PIP5K1B: variants seen among roughly 807,000 people sequenced by gnomAD.
PIP5K1B encodes the protein phosphatidylinositol-4-phosphate 5-kinase type 1 beta.
In PIP5K1B, 42 loss-of-function variants were observed where a neutral mutation model predicts 67.0. That is an observed-to-expected ratio of 0.63 (90% CI 0.49 to 0.81). The LOEUF is 0.81. PIP5K1B is among the 30% of genes least tolerant of loss of function. PIP5K1B has a pLI of 0.00. For missense variants in PIP5K1B, 459 were observed against 646.3 expected, an observed-to-expected ratio of 0.71 and a Z score of 3.14; for synonymous variants, 214 against 231.4, an observed-to-expected ratio of 0.92 and a Z score of 0.68.
intron 14 of PIP5K1B, among the ~76,000 whole-genome samples, chr9:68,958,633 T>C (rs1283941985): frequency 6.6e-6 from 1 of 152,210 alleles, no homozygotes; most frequent in Non-Finnish European, 1.5e-5. Flanking sequence ...TTTCTCCTAT[T>C]CAATCGCATA....
At chr9:68,767,007 C>T (rs1830460659) in intron 2 of PIP5K1B, among the ~76,000 whole-genome samples, 1 of 152,126 alleles carries the variant, frequency 6.6e-6, no homozygotes, top group Non-Finnish European at 1.5e-5. Context: ...TTCAAATAGT[C>T]AGGGATATTG....
chr9:68,909,950 G>T (rs1047800198), intron 8 of PIP5K1B, among the ~76,000 whole-genome samples: 1 of 152,150 alleles, frequency 6.6e-6, no homozygotes, highest in South Asian at 2.1e-4. Flanking sequence ...TAGTAGGTGC[G>T]CAATAAAATA....
intron 12 of PIP5K1B, among the ~76,000 whole-genome samples, chr9:68,926,932 A>C (rs970349177): frequency 2.6e-5 from 4 of 151,712 alleles, no homozygotes; most frequent in African/African-American, 9.7e-5. Flanking sequence ...ATTAGCAGTC[A>C]CTCCCCATTC....
chr9:68,843,504 A>G (rs10511962), intron 4 of PIP5K1B, among the ~76,000 whole-genome samples: 51,325 of 152,080 alleles, frequency 0.34, 8,880 homozygotes, highest in East Asian at 0.51. Context: ...AGTATTTCCA[A>G]TCATGCTTAT....
chr9:69,002,183 G>A (rs1830850776), intron 15 of PIP5K1B, among the ~76,000 whole-genome samples: 1 of 152,190 alleles, frequency 6.6e-6, no homozygotes, highest in African/African-American at 2.4e-5. Context: ...GAACAAAATA[G>A]CTGTCTTCAT....
At chr9:68,786,425 A>AT (rs1326927952) in intron 2 of PIP5K1B, among the ~76,000 whole-genome samples, 5 of 150,856 alleles carry the variant, frequency 3.3e-5, no homozygotes, top group Admixed American at 2.6e-4. Context: ...ATTACTGTCT[A>AT]TTTTTTTTCC....
At chr9:68,989,543 TTC>T (rs1201452507) in intron 14 of PIP5K1B, among the ~76,000 whole-genome samples, 1 of 148,060 alleles carries the variant, frequency 6.8e-6, no homozygotes, top group African/African-American at 2.5e-5. Flanking sequence ...CTTCTCCATT[TTC>T]TTTTTTTTTT....
chr9:68,799,529 C>T (rs1306566133), intron 2 of PIP5K1B, among the ~76,000 whole-genome samples: 1 of 152,144 alleles, frequency 6.6e-6, no homozygotes, highest in African/African-American at 2.4e-5. Flanking sequence ...GTATGGCACT[C>T]TCATAAAAAT....
intron 2 of PIP5K1B, among the ~76,000 whole-genome samples, chr9:68,769,785 C>T (rs574749826): frequency 6.6e-6 from 1 of 152,168 alleles, no homozygotes; most frequent in Non-Finnish European, 1.5e-5. Flanking sequence ...AGAACACTTC[C>T]GTGGCCTGTC....
At chr9:69,004,553 C>A (rs1830986767) in intron 15 of PIP5K1B, among the ~76,000 whole-genome samples, 1 of 152,166 alleles carries the variant, frequency 6.6e-6, no homozygotes, top group South Asian at 2.1e-4. Context: ...TTATTTCAGT[C>A]TCTACACCCA....
chr9:68,990,997 T>A (rs918798750), intron 14 of PIP5K1B, 143 bp from the exon 15 acceptor site: 11 of 639,776 alleles, frequency 1.7e-5, no homozygotes, highest in African/African-American at 3.6e-5. Context: ...TGACCATGTC[T>A]CCAGGCATAA....
intron 2 of PIP5K1B, among the ~76,000 whole-genome samples, chr9:68,749,090 T>C (rs1829485394): frequency 6.6e-6 from 1 of 152,228 alleles, no homozygotes; most frequent in Non-Finnish European, 1.5e-5. Context: ...TATCTACTCA[T>C]GGTCCCCCAA....
At chr9:68,922,604 C>G (rs12349647) in intron 11 of PIP5K1B, among the ~76,000 whole-genome samples, 16,594 of 152,086 alleles carry the variant, frequency 0.11, 2,066 homozygotes, top group African/African-American at 0.31. Flanking sequence ...AGAAAAGTAG[C>G]TCCTTCATCC....
chr9:68,890,165 G>A (rs1824710115), intron 7 of PIP5K1B, among the ~76,000 whole-genome samples: 1 of 152,184 alleles, frequency 6.6e-6, no homozygotes, highest in African/African-American at 2.4e-5. Context: ...TCAGCTACTA[G>A]ACTTCAGAAT....
intron 1 of PIP5K1B, chr9:68,708,247 T>G (rs1827216341): frequency 6.6e-6 from 1 of 152,244 alleles, no homozygotes; most frequent in Non-Finnish European, 1.5e-5. Context: ...ATAACTTTTT[T>G]TTTTTAGCTT....
At chr9:68,816,351 A>T (rs1257104877) in intron 2 of PIP5K1B, among the ~76,000 whole-genome samples, 1 of 151,640 alleles carries the variant, frequency 6.6e-6, no homozygotes, top group East Asian at 1.9e-4. Context: ...CTGGTCTCGA[A>T]CTCCTGACCT....
intron 1 of PIP5K1B, among the ~76,000 whole-genome samples, chr9:68,722,493 G>A (rs1156599118): frequency 1.3e-5 from 2 of 152,210 alleles, no homozygotes; most frequent in African/African-American, 4.8e-5. Context: ...GGGATTACAG[G>A]TGTGAGCCAC....
chr9:68,866,537 G>A (rs556640370), intron 5 of PIP5K1B, among the ~76,000 whole-genome samples: 5 of 151,956 alleles, frequency 3.3e-5, no homozygotes, highest in Non-Finnish European at 7.4e-5. Context: ...AAATAGAAAG[G>A]CTAAATAGAT....
intron 2 of PIP5K1B, among the ~76,000 whole-genome samples, chr9:68,796,458 A>G (rs1346902431): frequency 1.3e-5 from 2 of 152,144 alleles, no homozygotes; most frequent in African/African-American, 4.8e-5. Flanking sequence ...CGGTTTTGTT[A>G]TTTATTTGAT....
Sources: gnomAD v4.1 joint callset for allele counts (sites outside exome capture counted in the v4.1 genomes callset) on GRCh38, gnomAD v4.1.1 for gene constraint, MANE v1.5 for transcripts, NCBI Gene and HGNC (gene_info 2026-07-23, HGNC 2026-07-21) for gene names.